GIPC2: variants seen among roughly 807,000 people sequenced by gnomAD.
The protein encoded by GIPC2 is PDZ domain-containing protein GIPC2.
A neutral mutation model predicts 30.6 loss-of-function variants in GIPC2; 30 were observed. The ratio of observed to expected loss-of-function variants is 0.98; its 90% CI spans 0.73 to 1.33. The LOEUF (loss-of-function observed/expected upper bound fraction) is 1.33, where lower values mean the gene tolerates loss of function less well. GIPC2 is among the 40% of genes most tolerant of loss of function. The pLI is 0.00. For synonymous variants in GIPC2, 167 were observed against 150.0 expected, an observed-to-expected ratio of 1.11 and a Z score of -0.83; for missense variants, 414 against 390.3, an observed-to-expected ratio of 1.06 and a Z score of -0.51.
intron 1 of GIPC2, chr1:78,069,191 T>G: frequency 1.8e-6 from 1 of 567,506 alleles, no homozygotes; most frequent in Non-Finnish European, 2.2e-6. Context: ...TCTTGGCTGC[T>G]CTTCACCCTT....
chr1:78,105,434 G>C (rs375036067), intron 3 of GIPC2, among the ~76,000 whole-genome samples: 1 of 151,584 alleles, frequency 6.6e-6, no homozygotes, highest in Non-Finnish European at 1.5e-5. Flanking sequence ...CTACAGACAC[G>C]CACCACCACG....
At position 78,046,087 on chromosome 1, in the gene GIPC2, C is replaced by G. The variant is rs1456966390; in HGVS notation, c.-8C>G. 1 of 1,441,008 alleles carries G rather than the reference C, an allele frequency of 6.9e-7. No individual in the cohort carries two copies. Among genetic ancestry groups the G allele is most frequent in the Non-Finnish European group, 9.1e-7 (1 of 1,101,784 alleles). The allele number at this position is 1,441,008 out of a possible 1,614,324, so 89.3% of individuals were successfully genotyped here. A position where few individuals can be genotyped will look rare whatever the true frequency, so the allele number is the denominator to read the frequency against. Reference sequence around the variant, plus strand: ...GCGCAGGTGGGCCCGCGCTCTCGGCCCTGCAAGATGCCCCTGAAGCTGCGG... The same window carrying G: ...GCGCAGGTGGGCCCGCGCTCTCGGCGCTGCAAGATGCCCCTGAAGCTGCGG... On this transcript the variant is annotated 5_prime_UTR_variant, in exon 1 of 6. Transcript: ENST00000370759.
intron 2 of GIPC2, among the ~76,000 whole-genome samples, chr1:78,087,729 A>G (rs1479172267): frequency 1.3e-5 from 2 of 152,228 alleles, no homozygotes; most frequent in Non-Finnish European, 2.9e-5. Flanking sequence ...AAGACACCAA[A>G]GCAATCAGAA....
chr1:78,046,393 G>GT (rs2102630238), intron 1 of GIPC2, 59 bp downstream of exon 1: 2 of 1,441,334 alleles, frequency 1.4e-6, no homozygotes, highest in South Asian at 1.2e-5. Context: ...CGCGCCGCGC[G>GT]TATTTCTGTG....
chr1:78,124,452 G>A (rs990896617), intron 4 of GIPC2, among the ~76,000 whole-genome samples: 2 of 152,078 alleles, frequency 1.3e-5, no homozygotes, highest in African/African-American at 4.8e-5. Context: ...TACACAATAA[G>A]GGTATTTGTT....
At chr1:78,093,294 A>G (rs1252771350) in intron 2 of GIPC2, among the ~76,000 whole-genome samples, 1 of 152,150 alleles carries the variant, frequency 6.6e-6, no homozygotes, top group South Asian at 2.1e-4. Flanking sequence ...CTCTAGTTGT[A>G]CTGAGTGATT....
chr1:78,109,857 A>G (rs2100409188), intron 3 of GIPC2, among the ~76,000 whole-genome samples: 2 of 152,380 alleles, frequency 1.3e-5, no homozygotes, highest in East Asian at 3.9e-4. Context: ...CTATGCAGCC[A>G]TAAAAAATGA....
intron 5 of GIPC2, 96 bp from the exon 6 acceptor site, chr1:78,135,496 A>C: frequency 1.5e-6 from 1 of 677,946 alleles, no homozygotes; most frequent in Non-Finnish European, 2.5e-6. Context: ...ATATTTATGC[A>C]TGTTACTTTT....
chr1:78,127,879 A>G (rs372397729), intron 5 of GIPC2, among the ~76,000 whole-genome samples: 1 of 151,680 alleles, frequency 6.6e-6, no homozygotes, highest in Non-Finnish European at 1.5e-5. Flanking sequence ...ACTTTAACAA[A>G]TTTTTTTTGG....
intron 2 of GIPC2, among the ~76,000 whole-genome samples, chr1:78,083,843 A>C (rs1332326755): frequency 6.6e-6 from 1 of 152,162 alleles, no homozygotes; most frequent in Non-Finnish European, 1.5e-5. Context: ...CTATCATTTT[A>C]TTGAGTAGGT....
chr1:78,130,315 G>T (rs1662869494), intron 5 of GIPC2, among the ~76,000 whole-genome samples: 1 of 151,986 alleles, frequency 6.6e-6, no homozygotes, highest in Non-Finnish European at 1.5e-5. Context: ...TGTTGACCAG[G>T]CTGGTCCCGA....
rs1057016383 is a variant in GIPC2 at position 78,136,361 on chromosome 1, C to A, written c.*618C>A. On this transcript the variant is annotated 3_prime_UTR_variant, in exon 6 of 6. Coordinates refer to ENST00000370759, the MANE Select transcript of GIPC2 (RefSeq NM_017655.6). Reference sequence around the variant, plus strand: ...TCTTGTATGCTTCTTTATACATGCTCTTAAAACTTGTGGTTGAAATCTGTG... The same window carrying A: ...TCTTGTATGCTTCTTTATACATGCTATTAAAACTTGTGGTTGAAATCTGTG... 4 of 152,008 alleles carry A rather than the reference C, an allele frequency of 2.6e-5. No homozygotes were observed. The highest frequency in any genetic ancestry group is 9.7e-5 in the African/African-American group (4 of 41,384). 9.4% of individuals were successfully genotyped at this position (152,008 alleles called of 1,614,324 possible). A position where few individuals can be genotyped will look rare whatever the true frequency, so the allele number is the denominator to read the frequency against.
chr1:78,045,367 C>T (rs1159488160), upstream of GIPC2, among the ~76,000 whole-genome samples: 1 of 152,122 alleles, frequency 6.6e-6, no homozygotes, highest in African/African-American at 2.4e-5. Flanking sequence ...CACTTCACAC[C>T]GAATGGCCTC....
At position 78,046,111 on chromosome 1, in the gene GIPC2, G is replaced by A. The variant is rs745922458; in HGVS notation, c.17G>A (p.Arg6Gln). 13 of 1,478,416 alleles carry A rather than the reference G, an allele frequency of 8.8e-6. No individual in the cohort carries two copies. The highest frequency in any genetic ancestry group is 2.2e-4 in the Middle Eastern group (1 of 4,630). 91.6% of individuals were successfully genotyped at this position (1,478,416 alleles called of 1,614,324 possible). The change falls in exon 1 of 6, where the codon CGG becomes CAG. Residue 6 changes from arginine to glutamine, a missense_variant. By Grantham distance (43) the Arg-to-Gln change is conservative (BLOSUM62 1). Coordinates refer to ENST00000370759, the MANE Select transcript of GIPC2 (RefSeq NM_017655.6). MPLKL[R>Q]GKKKAKSKET... Reference sequence around the variant, plus strand: ...CCCTGCAAGATGCCCCTGAAGCTGCGGGGGAAGAAGAAGGCCAAGTCCAAG... The same window carrying A: ...CCCTGCAAGATGCCCCTGAAGCTGCAGGGGAAGAAGAAGGCCAAGTCCAAG...
intron 3 of GIPC2, among the ~76,000 whole-genome samples, chr1:78,104,945 C>T (rs576096479): frequency 6.6e-5 from 10 of 152,226 alleles, no homozygotes; most frequent in African/African-American, 2.4e-4. Flanking sequence ...TTTTCCTGGC[C>T]TCTTCGTATC....
chr1:78,063,125 T>C (rs1661425539), intron 1 of GIPC2, among the ~76,000 whole-genome samples: 1 of 152,236 alleles, frequency 6.6e-6, no homozygotes, highest in Non-Finnish European at 1.5e-5. Context: ...TTTCTACCTA[T>C]ACGCATAATT....
intron 4 of GIPC2, among the ~76,000 whole-genome samples, chr1:78,121,380 G>C (rs911427305): frequency 1.3e-5 from 2 of 152,142 alleles, no homozygotes; most frequent in Admixed American, 1.3e-4. Context: ...ATGCTGTCTG[G>C]GTTCCTATGT....
intron 2 of GIPC2, among the ~76,000 whole-genome samples, chr1:78,094,386 A>G (rs965942995): frequency 2.0e-5 from 3 of 152,268 alleles, no homozygotes; most frequent in Admixed American, 6.5e-5. Flanking sequence ...TAAATGAACA[A>G]TCGCACTGTG....
chr1:78,093,954 A>T (rs1008752360), intron 2 of GIPC2, among the ~76,000 whole-genome samples: 5 of 152,100 alleles, frequency 3.3e-5, no homozygotes, highest in African/African-American at 1.2e-4. Flanking sequence ...TGGGAATACT[A>T]GATACCATTT....
Sources: gnomAD v4.1 joint callset for allele counts (sites outside exome capture counted in the v4.1 genomes callset) on GRCh38, gnomAD v4.1.1 for gene constraint, MANE v1.5 for transcripts, NCBI Gene and HGNC (gene_info 2026-07-23, HGNC 2026-07-21) for gene names.